The following PPARD variants were observed in gnomAD, a reference collection of about 807,000 sequenced individuals.
PPARD encodes peroxisome proliferator-activated receptor delta.
PPARD carries 6 observed loss-of-function variants against 39.5 expected under a neutral mutation model. That is an observed-to-expected ratio of 0.15 (90% CI 0.08 to 0.30). The LOEUF is 0.30. Ranked by LOEUF, PPARD falls within the 10% of genes least tolerant of loss-of-function variation. The pLI is 1.00. For missense variants in PPARD, 397 were observed against 596.8 expected (o/e 0.67, Z 3.49); for synonymous variants, 210 against 231.3 (o/e 0.91, Z 0.83).
chr6:35,355,598 CTT>C (rs1166499750), intron 2 of PPARD, among the ~76,000 whole-genome samples: 12 of 33,460 alleles, frequency 3.6e-4, no homozygotes, highest in East Asian at 9.5e-4. Context: ...TCTTCTTCTT[CTT>C]TTTTTTTTTT....
At chr6:35,384,389 G>T (rs1272058681) in intron 2 of PPARD, among the ~76,000 whole-genome samples, 238 of 130,746 alleles carry the variant, frequency 1.8e-3, no homozygotes, top group African/African-American at 7.2e-3. Context: ...CTACTGGGAA[G>T]TGAGGAGCCC....
chr6:35,358,158 G>C (rs1055783164), intron 2 of PPARD, among the ~76,000 whole-genome samples: 1 of 152,180 alleles, frequency 6.6e-6, no homozygotes, highest in African/African-American at 2.4e-5. Context: ...GTCCTTATGA[G>C]TGGGGGCCAG....
rs958049925 is a variant in PPARD, at chr6:35,425,618, G to GA, written c.1079-213dup. Among the ~76,000 whole-genome samples, 8 of 152,100 alleles carry GA rather than the reference G, an allele frequency of 5.3e-5. No individual in the cohort carries two copies. Among genetic ancestry groups the GA allele is most frequent in the African/African-American group, 1.9e-4 (8 of 41,396 alleles). On this transcript the variant is annotated intron_variant, in intron 7 of 7. Transcript: ENST00000360694. The surrounding 1 kb of genome is among the most constrained non-coding windows in gnomAD (Gnocchi z 4.5). ...AATACTACGTTGCCTAATCGGGGGGGAGGTGGGGACAAATTGGCAAAAAAC... is the reference window on the plus strand; with the variant it reads ...AATACTACGTTGCCTAATCGGGGGGGAAGGTGGGGACAAATTGGCAAAAAAC...
intron 2 of PPARD, among the ~76,000 whole-genome samples, chr6:35,353,900 C>T (rs1761404955): frequency 6.6e-6 from 1 of 152,148 alleles, no homozygotes; most frequent in Admixed American, 6.6e-5. Flanking sequence ...TTAATACAGA[C>T]AGTCCCCAAC....
At position 35,377,871 on chromosome 6, in the gene PPARD, C is replaced by CTTTTTTTTTTTTT. The variant is rs540687692; in HGVS notation, c.-102+30732_-102+30733insTTTTTTTTTTTTT. The stretch of plus-strand genomic sequence containing the variant: ...TGTGGGTCGCTGCTTGTTTACGTAT[C>CTTTTTTTTTTTTT]TTTTTTTTTTTGAGACAGAGTGTTG... On this transcript the variant is annotated intron_variant, in intron 2 of 7. Coordinates refer to ENST00000360694, the MANE Select transcript of PPARD (RefSeq NM_006238.5). 1.3e-3 allele frequency among the ~76,000 whole-genome samples: 152 copies of CTTTTTTTTTTTTT among 120,326 alleles called. 19 individuals carry two copies. The highest frequency in any genetic ancestry group is 5.2e-3 in the African/African-American group (119 of 22,800). 78.9% of individuals were successfully genotyped at this position (120,326 alleles called of 152,430 possible).
chr6:35,354,283 T>C (rs1318775078), intron 2 of PPARD, among the ~76,000 whole-genome samples: 3 of 147,230 alleles, frequency 2.0e-5, no homozygotes, highest in Non-Finnish European at 4.4e-5. Flanking sequence ...AGCCCCATCC[T>C]TTAGTACTCA....
Position 35,395,191 on chromosome 6 carries a change from T to C in PPARD, c.-101-15796T>C, listed in dbSNP as rs114092598. Among the ~76,000 whole-genome samples, 1,382 of 152,246 alleles carry C rather than the reference T, an allele frequency of 9.1e-3. 28 individuals carry two copies. The highest frequency in any genetic ancestry group is 0.028 in the African/African-American group (1,167 of 41,538). ...TGCTTGAGGAAAGCCCCTGATTGAC[T>C]TAGGAGAAGAGGTAGAAGACACGCT... is the stretch of plus-strand genomic sequence containing the variant. On this transcript the variant is annotated intron_variant, in intron 2 of 7. Coordinates refer to ENST00000360694, the MANE Select transcript of PPARD (RefSeq NM_006238.5).
intron 2 of PPARD, among the ~76,000 whole-genome samples, chr6:35,376,482 T>C (rs1266061433): frequency 6.6e-6 from 1 of 152,186 alleles, no homozygotes; most frequent in Non-Finnish European, 1.5e-5. Context: ...TTTATTTCCT[T>C]GTGTGGTTTG....
chr6:35,415,957 G>A (rs1765731678), intron 3 of PPARD, among the ~76,000 whole-genome samples: 1 of 152,208 alleles, frequency 6.6e-6, no homozygotes, highest in Admixed American at 6.5e-5. Context: ...CTGTTCCACA[G>A]TGGGGCCACG....
At chr6:35,356,499 A>G (rs964710256) in intron 2 of PPARD, among the ~76,000 whole-genome samples, 1 of 152,200 alleles carries the variant, frequency 6.6e-6, no homozygotes, top group East Asian at 1.9e-4. Context: ...TGCCTAAAAC[A>G]TCTCCATGCT....
chr6:35,374,553 G>A (rs1762690326), intron 2 of PPARD, among the ~76,000 whole-genome samples: 1 of 151,488 alleles, frequency 6.6e-6, no homozygotes. Flanking sequence ...AGCTACTCGG[G>A]AGGCTGAGGC....
intron 2 of PPARD, among the ~76,000 whole-genome samples, chr6:35,392,770 C>CTGACCCACTGACCCACCAG (rs1764088522): frequency 6.6e-6 from 1 of 152,178 alleles, no homozygotes; most frequent in Non-Finnish European, 1.5e-5. Flanking sequence ...TAGTGACCTT[C>CTGACCCACTGACCCACCAG]TGCTCTGGTG....
rs78108753 is a variant in PPARD at position 35,421,374 on chromosome 6, G to A, written c.286-446G>A. 7.5e-4 allele frequency among the ~76,000 whole-genome samples: 113 copies of A among 151,230 alleles called. 1 individual carries two copies. The East Asian group carries it at 0.013, about 18-fold the overall frequency. ...TGTTTTGAGATGGAGTTTCACTCTT[G>A]TTGTCCAGGCTGGAGTGTAATGGCG... On this transcript the variant is annotated intron_variant, in intron 4 of 7. Transcript: ENST00000360694.
chr6:35,399,781 T>C (rs1764581413), intron 2 of PPARD, among the ~76,000 whole-genome samples: 1 of 152,248 alleles, frequency 6.6e-6, no homozygotes, highest in South Asian at 2.1e-4. Context: ...TTCATGAGAA[T>C]CATGATCTTT....
In PPARD at chr6:35,349,114, C is replaced by G. The variant is rs1761069843; in HGVS notation, c.-102+1964C>G. 5 of 797,920 alleles carry G rather than the reference C, an allele frequency of 6.3e-6. No individual in the cohort carries two copies. The South Asian group carries it at 1.7e-4, about 27-fold the overall frequency. The allele number at this position is 797,920 out of a possible 1,614,324, so 49.4% of individuals were successfully genotyped here. ...GATCTAGGCTCACTGCAAGCTCTGC[C>G]TCCTGGGTTCACACCATTCTCCTGC... On this transcript the variant is annotated intron_variant, in intron 2 of 7. Coordinates refer to ENST00000360694, the MANE Select transcript of PPARD (RefSeq NM_006238.5).
chr6:35,353,511 T>C (rs934622673), intron 2 of PPARD, among the ~76,000 whole-genome samples: 1 of 152,186 alleles, frequency 6.6e-6, no homozygotes, highest in African/African-American at 2.4e-5. Flanking sequence ...AATTTAGGTT[T>C]TATTGTCAAA....
intron 2 of PPARD, among the ~76,000 whole-genome samples, chr6:35,403,323 C>T (rs1267581016): frequency 6.6e-6 from 1 of 152,202 alleles, no homozygotes; most frequent in Non-Finnish European, 1.5e-5. Flanking sequence ...TTATTTATTC[C>T]ACACAGCAGC....
chr6:35,348,344 G>A, intron 2 of PPARD: 1 of 985,346 alleles, frequency 1.0e-6, no homozygotes, highest in Non-Finnish European at 1.2e-6. Flanking sequence ...ACACAGAATT[G>A]TTTCTTCCAT....
rs150178349 is a variant in PPARD at position 35,388,090 on chromosome 6, A to G, written c.-101-22897A>G. The stretch of plus-strand genomic sequence containing the variant: ...ATGTATGTTAGGTGGACTGTGGCTT[A>G]TAAAACCTCTTCATAGCTGTTTTCC... On this transcript the variant is annotated intron_variant, in intron 2 of 7. Transcript: ENST00000360694. Among the ~76,000 whole-genome samples, 993 of 149,938 alleles carry G rather than the reference A, an allele frequency of 6.6e-3. 7 individuals carry two copies. The highest frequency in any genetic ancestry group is 0.011 in the Non-Finnish European group (734 of 67,750).
Sources: allele counts gnomAD v4.1 joint callset (sites outside exome capture counted in the v4.1 genomes callset), GRCh38; gene constraint gnomAD v4.1.1; non-coding constraint Gnocchi (gnomAD v3.1); transcripts MANE v1.5; gene names NCBI Gene and HGNC (gene_info 2026-07-23, HGNC 2026-07-21).